The following MAPT variants were observed in gnomAD, a reference collection of about 807,000 sequenced individuals.
MAPT encodes the protein microtubule associated protein tau, also known as microtubule-associated protein tau.
In MAPT, 34 loss-of-function variants were observed where a neutral mutation model predicts 67.9. That is an observed-to-expected ratio of 0.50 (90% CI 0.38 to 0.67). MAPT has a LOEUF of 0.67. Among genes scored for constraint, MAPT ranks in the 30% least tolerant of loss-of-function variants. The pLI, the probability that MAPT is intolerant of heterozygous loss-of-function variation, is 0.00. For missense variants in MAPT, 881 were observed against 1,115.2 expected, an observed-to-expected ratio of 0.79 and a Z score of 2.99; for synonymous variants, 456 against 464.5, an observed-to-expected ratio of 0.98 and a Z score of 0.23.
rs966011638 is a variant in MAPT at position 45,995,686 on chromosome 17, G to A, written c.1733-713G>A. 6.6e-6 allele frequency among the ~76,000 whole-genome samples: 1 copy of A among 152,190 alleles called. No homozygotes were observed. The highest frequency in any genetic ancestry group is 6.5e-5 in the Admixed American group (1 of 15,278). ...GTAACTGCTATGCATGGCAGGTGGG[G>A]AACTGTACGTCAGGGCACAGCAGCA... is the stretch of plus-strand genomic sequence containing the variant. On this transcript the variant is annotated intron_variant, in intron 8 of 12. Coordinates refer to ENST00000262410, the MANE Select transcript of MAPT (RefSeq NM_001377265.1). This position sits in a 1 kb window ranked among gnomAD's most constrained non-coding sequence, Gnocchi z 4.3.
intron 9 of MAPT, among the ~76,000 whole-genome samples, chr17:45,998,300 C>A (rs2074680196): frequency 6.6e-6 from 1 of 152,160 alleles, no homozygotes; most frequent in African/African-American, 2.4e-5. Flanking sequence ...TGTCACATCC[C>A]ATCGGGATGG....
chr17:46,028,225 GCTTT>G lies in MAPT; in HGVS notation c.*4057_*4060del, dbSNP rs369872234. 6.6e-6 allele frequency: 1 copy of G among 152,566 alleles called. No homozygotes were observed. The highest frequency in any genetic ancestry group is 1.9e-4 in the East Asian group (1 of 5,184). 9.5% of individuals were successfully genotyped at this position (152,566 alleles called of 1,614,324 possible). ...AGGGACATGAAATCATCTTAGCTTA[GCTTT>G]CTGTCTGTGAATGTCTATATAGTGT... On this transcript the variant is annotated 3_prime_UTR_variant, in exon 13 of 13. Transcript: ENST00000262410.
Position 45,996,722 on chromosome 17 carries a change from T to C in MAPT, c.1998+58T>C, listed in dbSNP as rs2074507880. ...GGGGCTGCGCCTGGAGGGGTAGGGC[T>C]GTGCCTGGAAGGGTAGGGCTGCGCC... On this transcript the variant is annotated intron_variant, in intron 9 of 12. Transcript: ENST00000262410. This position sits in a 1 kb window ranked among gnomAD's most constrained non-coding sequence, Gnocchi z 4.5. 16 of 1,598,484 alleles carry C rather than the reference T, an allele frequency of 1.0e-5. No individual in the cohort carries two copies. Among genetic ancestry groups the C allele is most frequent in the Admixed American group, 1.7e-5 (1 of 58,548 alleles).
At chr17:45,960,835 A>G (rs910721306) in intron 1 of MAPT, among the ~76,000 whole-genome samples, 2 of 47,956 alleles carry the variant, frequency 4.2e-5, no homozygotes, top group African/African-American at 5.3e-5. Flanking sequence ...GATTATTCAC[A>G]GGGGCCAAAA....
At chr17:45,905,128 C>T (rs1304557044) in intron 1 of MAPT, among the ~76,000 whole-genome samples, 1 of 152,192 alleles carries the variant, frequency 6.6e-6, no homozygotes, top group East Asian at 1.9e-4. Context: ...TGCTGGTCCC[C>T]ATGAGGCCAG....
intron 1 of MAPT, among the ~76,000 whole-genome samples, chr17:45,919,350 G>A (rs1005407994): frequency 6.6e-6 from 1 of 151,438 alleles, no homozygotes; most frequent in Non-Finnish European, 1.5e-5. Flanking sequence ...AGGAAGGGGC[G>A]CCCCCCCCGC....
chr17:45,920,091 A>C (rs1324376047), intron 1 of MAPT, among the ~76,000 whole-genome samples: 1 of 152,236 alleles, frequency 6.6e-6, no homozygotes, highest in Non-Finnish European at 1.5e-5. Context: ...GGCGTGGAGC[A>C]CAGGAGCCAG....
intron 1 of MAPT, among the ~76,000 whole-genome samples, chr17:45,934,803 C>G (rs1230828616): frequency 6.6e-6 from 1 of 152,172 alleles, no homozygotes; most frequent in Non-Finnish European, 1.5e-5. Flanking sequence ...GCTTGCCTCT[C>G]TGTTGCCTTG....
intron 6 of MAPT, among the ~76,000 whole-genome samples, chr17:45,988,848 G>A (rs1477689426): frequency 1.3e-5 from 2 of 152,156 alleles, no homozygotes; most frequent in African/African-American, 4.8e-5. Context: ...TGGCACCACT[G>A]CACTCCAGCC....
rs776803332 is a variant in MAPT, at chr17:45,974,476, G to A, written c.220+2531G>A. On this transcript the variant is annotated intron_variant, in intron 3 of 12. Coordinates refer to ENST00000262410, the MANE Select transcript of MAPT (RefSeq NM_001377265.1). ...AGATCCCAGAAGGAACCACAGGTGA[G>A]GGTAAGCCCCAGAGACCCCCAGGCA... 2 of 1,598,402 alleles carry A rather than the reference G, an allele frequency of 1.3e-6. No homozygotes were observed. Among genetic ancestry groups the A allele is most frequent in the Non-Finnish European group, 8.5e-7 (1 of 1,173,150 alleles).
chr17:45,963,693 G>C (rs2070715153), intron 2 of MAPT, among the ~76,000 whole-genome samples: 2 of 152,146 alleles, frequency 1.3e-5, no homozygotes, highest in African/African-American at 4.8e-5. Flanking sequence ...GTTGTGAGGT[G>C]GGAAGTGACC....
At chr17:45,994,073 A>G in intron 8 of MAPT, 1 of 1,228,922 alleles carries the variant, frequency 8.1e-7, no homozygotes, top group Non-Finnish European at 1.1e-6. Context: ...CCTTTTCTGC[A>G]ATGCAGGGTT....
At position 45,962,353 on chromosome 17, in the gene MAPT, C is replaced by T. The variant is rs2070528503; in HGVS notation, c.16C>T (p.Gln6Ter). Residue 6 changes from glutamine (Q) to a stop codon, truncating the protein, a stop_gained, in exon 2 of 13, where the codon CAG becomes TAG. Transcript: ENST00000262410. LOFTEE classifies it high-confidence loss of function. MAEPR[Q>*]EFEVMEDHAG... The stretch of plus-strand genomic sequence containing the variant: ...TTGAACCAGGATGGCTGAGCCCCGC[C>T]AGGAGTTCGAAGTGATGGAAGATCA... 1 of 1,611,968 alleles carries T rather than the reference C, an allele frequency of 6.2e-7. No homozygotes were observed. Among genetic ancestry groups the T allele is most frequent in the African/African-American group, 1.3e-5 (1 of 74,778 alleles).
intron 9 of MAPT, among the ~76,000 whole-genome samples, chr17:46,006,582 T>C (rs8067056): frequency 0.31 from 47,050 of 151,692 alleles, 8,135 homozygotes; most frequent in Middle Eastern, 0.5. Context: ...AAGAGTGTAA[T>C]TGGACTGGCT....
chr17:45,966,895 T>A lies in MAPT; in HGVS notation c.133+4425T>A, dbSNP rs1380442370. The stretch of plus-strand genomic sequence containing the variant: ...GGAAAGCATTTCAAGATAATTTGCT[T>A]ACCCAAAGAATATACTTTCCAAGAA... On this transcript the variant is annotated intron_variant, in intron 2 of 12. Coordinates refer to ENST00000262410, the MANE Select transcript of MAPT (RefSeq NM_001377265.1). Among the ~76,000 whole-genome samples, 45 of 152,250 alleles carry A rather than the reference T, an allele frequency of 3.0e-4. 1 individual carries two copies. The highest frequency in any genetic ancestry group is 2.9e-5 in the Non-Finnish European group (2 of 68,038).
At chr17:45,939,842 G>T (rs2067698987) in intron 1 of MAPT, among the ~76,000 whole-genome samples, 1 of 152,128 alleles carries the variant, frequency 6.6e-6, no homozygotes, top group Non-Finnish European at 1.5e-5. Context: ...TGGCTGGGGG[G>T]CTCTCTTGAC....
intron 9 of MAPT, among the ~76,000 whole-genome samples, chr17:45,997,116 T>G (rs1225210003): frequency 6.6e-6 from 1 of 152,202 alleles, no homozygotes; most frequent in Non-Finnish European, 1.5e-5. Flanking sequence ...TTCCTCTGGA[T>G]TCTGGGGAGA....
At chr17:45,932,346 T>G (rs2066916854) in intron 1 of MAPT, among the ~76,000 whole-genome samples, 1 of 151,712 alleles carries the variant, frequency 6.6e-6, no homozygotes, top group Admixed American at 6.6e-5. Flanking sequence ...ATCCCAGGAC[T>G]TTGGGAGGCT....
chr17:46,001,329 C>T (rs993458660), intron 9 of MAPT, among the ~76,000 whole-genome samples: 4 of 152,054 alleles, frequency 2.6e-5, no homozygotes, highest in African/African-American at 2.4e-5. Context: ...AATTAAATGA[C>T]TGCAGCATAT....
Sources: gnomAD v4.1 joint callset for allele counts (sites outside exome capture counted in the v4.1 genomes callset) on GRCh38, gnomAD v4.1.1 for gene constraint, Gnocchi (gnomAD v3.1) non-coding constraint, MANE v1.5 for transcripts, NCBI Gene and HGNC (gene_info 2026-07-23, HGNC 2026-07-21) for gene names.